Variants in BACH2 observed in about 807,000 individuals in gnomAD.
BACH2 encodes the protein BACH transcriptional regulator 2.
In BACH2, 5 loss-of-function variants were observed where a neutral mutation model predicts 61.8. The observed-to-expected ratio is 0.08, with a 90% CI of 0.04 to 0.17. The LOEUF is 0.17. BACH2 is among the 10% of genes least tolerant of loss of function. BACH2 has a pLI of 1.00. For missense variants in BACH2, 824 were observed against 1,091.1 expected, an observed-to-expected ratio of 0.76 and a Z score of 3.45; for synonymous variants, 446 against 440.1, an observed-to-expected ratio of 1.01 and a Z score of -0.17.
intron 1 of BACH2, among the ~76,000 whole-genome samples, chr6:90,281,594 T>C (rs1407239816): frequency 6.6e-6 from 1 of 152,124 alleles, no homozygotes; most frequent in Non-Finnish European, 1.5e-5. Context: ...AGTTTTACCA[T>C]CTATGTATGT....
chr6:90,117,462 A>G (rs1286952366), intron 4 of BACH2, among the ~76,000 whole-genome samples: 1 of 98,938 alleles, frequency 1.0e-5, no homozygotes, highest in East Asian at 2.3e-4. Flanking sequence ...TGTTAGCTTG[A>G]CTTTTTTTTT....
At chr6:89,969,026 A>G (rs1361441987) in intron 6 of BACH2, among the ~76,000 whole-genome samples, 1 of 151,930 alleles carries the variant, frequency 6.6e-6, no homozygotes, top group Non-Finnish European at 1.5e-5. Flanking sequence ...ATAATAAAAA[A>G]AGAATGTGTC....
At chr6:90,116,641 GGT>G (rs1783413130) in intron 4 of BACH2, 1 of 274,342 alleles carries the variant, frequency 3.6e-6, no homozygotes, top group Non-Finnish European at 7.6e-6. Flanking sequence ...ATCATACAGT[GGT>G]GTTATTCTTG....
At chr6:90,111,780 T>C (rs1054925980) in intron 4 of BACH2, among the ~76,000 whole-genome samples, 1 of 152,240 alleles carries the variant, frequency 6.6e-6, no homozygotes, top group East Asian at 1.9e-4. Flanking sequence ...GTTTGTTGTC[T>C]GTATTTCTAA....
chr6:90,117,459 T>C (rs1005935217), intron 4 of BACH2, among the ~76,000 whole-genome samples: 1 of 124,206 alleles, frequency 8.1e-6, no homozygotes, highest in East Asian at 2.0e-4. Context: ...TACTGTTAGC[T>C]TGACTTTTTT....
chr6:89,981,758 C>A (rs1775971489), intron 6 of BACH2, among the ~76,000 whole-genome samples: 1 of 152,174 alleles, frequency 6.6e-6, no homozygotes, highest in Non-Finnish European at 1.5e-5. Flanking sequence ...GAAGTTGACA[C>A]ACAGGCAAAG....
In BACH2 at chr6:90,008,571, A is replaced by AT. The variant is rs775964710; in HGVS notation, c.243+30dup. On this transcript the variant is annotated intron_variant, in intron 6 of 8. Coordinates refer to ENST00000257749, the MANE Select transcript of BACH2 (RefSeq NM_021813.4). The surrounding 1 kb of genome is among the most constrained non-coding windows in gnomAD (Gnocchi z 4.1). The stretch of plus-strand genomic sequence containing the variant: ...GTTTTCTGTAAGTCAATAAACATTC[A>AT]TTAACAATCACACAAACCAAATTAC... 10 of 1,611,118 alleles carry AT rather than the reference A, an allele frequency of 6.2e-6. No homozygotes were observed. The East Asian group carries it at 6.7e-5, about 11-fold the overall frequency.
rs1354068327 is a variant in BACH2 at position 89,969,002 on chromosome 6, C to T, written c.244-17140G>A. Among the ~76,000 whole-genome samples the T allele has an allele frequency of 8.0e-5, 12 of 150,798 alleles. No homozygotes were observed. The South Asian group carries it at 2.5e-3, about 32-fold the overall frequency. ...CTCCAGCCTGGGTGACAGAATGAGA[C>T]TCTGTCTCGAAAAATAATAAAAAAA... On this transcript the variant is annotated intron_variant, in intron 6 of 8. Coordinates refer to ENST00000257749, the MANE Select transcript of BACH2 (RefSeq NM_021813.4).
chr6:90,060,307 C>A (rs934892992), intron 5 of BACH2, among the ~76,000 whole-genome samples: 3 of 152,102 alleles, frequency 2.0e-5, no homozygotes, highest in African/African-American at 7.2e-5. Context: ...GCTTATTCTG[C>A]CCTCCAAACT....
intron 4 of BACH2, chr6:90,117,189 T>C (rs1016070217): frequency 1.2e-5 from 2 of 167,824 alleles, no homozygotes; most frequent in Non-Finnish European, 2.6e-5. Flanking sequence ...CCCACTGATC[T>C]TGGGATGAAG....
chr6:89,968,756 A>T (rs1222262567), intron 6 of BACH2, among the ~76,000 whole-genome samples: 1 of 152,228 alleles, frequency 6.6e-6, no homozygotes, highest in Admixed American at 6.5e-5. Flanking sequence ...CACGCCTATA[A>T]TCCCAGCACT....
chr6:90,169,258 T>C (rs1388151518), intron 4 of BACH2, among the ~76,000 whole-genome samples: 1 of 152,236 alleles, frequency 6.6e-6, no homozygotes, highest in African/African-American at 2.4e-5. Context: ...ATTTATGTAT[T>C]TTTCAGAGTT....
At chr6:90,223,722 G>C (rs1222269361) in intron 3 of BACH2, among the ~76,000 whole-genome samples, 1 of 151,950 alleles carries the variant, frequency 6.6e-6, no homozygotes, top group Admixed American at 6.6e-5. Context: ...CAATCCACCT[G>C]CCCTGAGCTC....
At chr6:90,072,126 T>A (rs1184068925) in intron 5 of BACH2, among the ~76,000 whole-genome samples, 1 of 152,208 alleles carries the variant, frequency 6.6e-6, no homozygotes, top group East Asian at 1.9e-4. Flanking sequence ...TAAGGGTTAA[T>A]TGTACTATGT....
intron 5 of BACH2, among the ~76,000 whole-genome samples, chr6:90,069,017 C>T (rs558474500): frequency 4.6e-5 from 7 of 152,168 alleles, no homozygotes; most frequent in Non-Finnish European, 7.3e-5. Context: ...TCCTTCTTTG[C>T]TTCCCTCTGT....
chr6:89,947,818 G>A lies in BACH2; in HGVS notation c.1836+2452C>T, dbSNP rs1439663442. 2.6e-5 allele frequency among the ~76,000 whole-genome samples: 4 copies of A among 152,044 alleles called. No individual in the cohort carries two copies. In the East Asian group the frequency reaches 7.7e-4, roughly 29 times the overall value. On this transcript the variant is annotated intron_variant, in intron 7 of 8. Coordinates refer to ENST00000257749, the MANE Select transcript of BACH2 (RefSeq NM_021813.4). ...GATCTCCCGACCTTGTGATTCGCCC[G>A]CCTCGGCCTCCCAAAGTGCTGGCAT...
Position 89,931,525 on chromosome 6 carries a change from A to G in BACH2, c.*883T>C, listed in dbSNP as rs1182727827. On this transcript the variant is annotated 3_prime_UTR_variant, in exon 9 of 9. Coordinates refer to ENST00000257749, the MANE Select transcript of BACH2 (RefSeq NM_021813.4). ...CCGAAGTTACAACTTCATTTAAGAA[A>G]ATAGGTTTGACCCAAAACTCAGTGC... 6.6e-6 allele frequency: 1 copy of G among 152,650 alleles called. No homozygotes were observed. 9.5% of individuals were successfully genotyped at this position (152,650 alleles called of 1,614,324 possible).
chr6:90,122,414 CA>C (rs113781599), intron 4 of BACH2, among the ~76,000 whole-genome samples: 6,408 of 151,514 alleles, frequency 0.042, 388 homozygotes, highest in African/African-American at 0.13. Flanking sequence ...CAAGAACAAT[CA>C]AAAAAAAGGT....
intron 5 of BACH2, among the ~76,000 whole-genome samples, chr6:90,023,504 T>C (rs1778487458): frequency 1.3e-5 from 2 of 152,196 alleles, no homozygotes; most frequent in South Asian, 4.1e-4. Context: ...GATACCACCA[T>C]GCTTCCTGTA....
Sources: allele counts gnomAD v4.1 joint callset (sites outside exome capture counted in the v4.1 genomes callset), GRCh38; gene constraint gnomAD v4.1.1; non-coding constraint Gnocchi (gnomAD v3.1); transcripts MANE v1.5; gene names NCBI Gene and HGNC (gene_info 2026-07-23, HGNC 2026-07-21).